UGT1A9: variants seen among roughly 807,000 people sequenced by gnomAD.
UGT1A9 encodes the protein UDP-glucuronosyltransferase 1A9.
UGT1A9 carries 35 observed loss-of-function variants against 45.0 expected under a neutral mutation model. The observed-to-expected ratio is 0.78, with a 90% CI of 0.59 to 1.03. The LOEUF (loss-of-function observed/expected upper bound fraction) is 1.03. UGT1A9 is among the 50% of genes least tolerant of loss of function. The probability of loss-of-function intolerance (pLI) is 0.00; values close to 1 mark genes in which losing one functional copy is unlikely to be tolerated. For synonymous variants in UGT1A9, 278 were observed against 250.6 expected, an observed-to-expected ratio of 1.11 and a Z score of -1.03; for missense variants, 687 against 666.6, an observed-to-expected ratio of 1.03 and a Z score of -0.34.
At chr2:233,706,628 T>C (rs1559354797) in intron 1 of UGT1A9, among the ~76,000 whole-genome samples, 1 of 152,116 alleles carries the variant, frequency 6.6e-6, no homozygotes, top group African/African-American at 2.4e-5. Context: ...GAAATGAGTG[T>C]TTCTACTGTG....
At chr2:233,706,317 T>G (rs947788693) in intron 1 of UGT1A9, among the ~76,000 whole-genome samples, 6 of 152,228 alleles carry the variant, frequency 3.9e-5, no homozygotes, top group African/African-American at 7.2e-5. Context: ...TAGTGCCTTT[T>G]GGAACTATTC....
At chr2:233,754,989 C>T (rs749655557) in intron 1 of UGT1A9, 7 of 1,296,678 alleles carry the variant, frequency 5.4e-6, no homozygotes, top group Admixed American at 1.9e-5. Context: ...GGCGGGGTCA[C>T]GGAAGCTGAA....
At chr2:233,709,425 C>T (rs1055346708) in intron 1 of UGT1A9, among the ~76,000 whole-genome samples, 1 of 152,240 alleles carries the variant, frequency 6.6e-6, no homozygotes, top group African/African-American at 2.4e-5. Context: ...AGAATGTCCT[C>T]CAGAAAGGAT....
At chr2:233,682,302 C>T (rs772862316) in intron 1 of UGT1A9, 2 of 1,614,078 alleles carry the variant, frequency 1.2e-6, no homozygotes, top group Non-Finnish European at 8.5e-7. Context: ...TTATTTTTTT[C>T]AAATTGCAGG....
intron 1 of UGT1A9, among the ~76,000 whole-genome samples, chr2:233,746,183 A>G (rs985573808): frequency 4.6e-5 from 7 of 151,896 alleles, no homozygotes; most frequent in Admixed American, 6.5e-5. Context: ...TGTAAGGAAT[A>G]TATGTATAGG....
chr2:233,754,633 C>G (rs1196115983), intron 1 of UGT1A9: 1 of 444,794 alleles, frequency 2.2e-6, no homozygotes, highest in Non-Finnish European at 4.5e-6. Context: ...TCCACCCTTT[C>G]TTGGCCATTC....
At chr2:233,682,548 A>C in intron 1 of UGT1A9, 1 of 1,613,924 alleles carries the variant, frequency 6.2e-7, no homozygotes, top group Non-Finnish European at 8.5e-7. Context: ...ATGACTTTCA[A>C]GGAGAGAGTA....
chr2:233,687,886 T>TG (rs1056933607), intron 1 of UGT1A9, among the ~76,000 whole-genome samples: 6 of 152,276 alleles, frequency 3.9e-5, no homozygotes, highest in African/African-American at 1.4e-4. Context: ...CCAGCCTGGG[T>TG]GATAGACTAA....
chr2:233,757,384 T>TA (rs1696511783), intron 1 of UGT1A9, among the ~76,000 whole-genome samples: 1 of 151,252 alleles, frequency 6.6e-6, no homozygotes. Context: ...ATTCAGCACT[T>TA]ACTTGCTGGC....
Position 233,766,889 on chromosome 2 carries a change from C to T in UGT1A9, c.856-145C>T, listed in dbSNP as rs35858210. ...GGAGAGGAAAATGCTGTAAAACTTA[C>T]ATATTAATAATTTTTTACTCTATCT... On this transcript the variant is annotated intron_variant, in intron 1 of 4. Coordinates refer to ENST00000354728, the MANE Select transcript of UGT1A9 (RefSeq NM_021027.3). 3,026 of 1,464,588 alleles carry T rather than the reference C, an allele frequency of 2.1e-3. 24 individuals are homozygous for T. The highest frequency in any genetic ancestry group is 0.013 in the Middle Eastern group (51 of 4,042). The allele number at this position is 1,464,588 out of a possible 1,614,324, so 90.7% of individuals were successfully genotyped here.
At chr2:233,742,882 C>A (rs1692122938) in intron 1 of UGT1A9, 1 of 164,914 alleles carries the variant, frequency 6.1e-6, no homozygotes, top group Non-Finnish European at 1.3e-5. Flanking sequence ...ACCTGGCTCA[C>A]ACTTTCCCAA....
At chr2:233,770,357 A>G (rs1700064442) in intron 4 of UGT1A9, 1 of 152,214 alleles carries the variant, frequency 6.6e-6, no homozygotes, top group Admixed American at 6.5e-5. Flanking sequence ...TATTGAATGA[A>G]TGAATGAAAG....
chr2:233,690,417 T>G, intron 1 of UGT1A9: 1 of 1,228,386 alleles, frequency 8.1e-7, no homozygotes, highest in Non-Finnish European at 1.1e-6. Context: ...TGAAATTACC[T>G]TCATGCACAT....
intron 1 of UGT1A9, among the ~76,000 whole-genome samples, chr2:233,727,349 G>GT (rs760245596): frequency 1.3e-5 from 2 of 152,230 alleles, no homozygotes; most frequent in Non-Finnish European, 2.9e-5. Context: ...CCATAGTTCT[G>GT]CTATCCTTAG....
chr2:233,768,681 C>T lies in UGT1A9; in HGVS notation c.1295+242C>T, dbSNP rs537750391. On this transcript the variant is annotated intron_variant, in intron 4 of 4. Coordinates refer to ENST00000354728, the MANE Select transcript of UGT1A9 (RefSeq NM_021027.3). Reference sequence around the variant, plus strand: ...GGCTTACTGCAACCTCCACCTCCCACGTTCAAGCAGTTCTGCCTCAGCCTC... The same window carrying T: ...GGCTTACTGCAACCTCCACCTCCCATGTTCAAGCAGTTCTGCCTCAGCCTC... 2.7e-5 allele frequency among the ~76,000 whole-genome samples: 4 copies of T among 148,006 alleles called. No individual in the cohort carries two copies. The East Asian group carries it at 6.1e-4, about 23-fold the overall frequency.
chr2:233,763,021 T>C (rs1698218577), intron 1 of UGT1A9, among the ~76,000 whole-genome samples: 1 of 152,256 alleles, frequency 6.6e-6, no homozygotes, highest in Non-Finnish European at 1.5e-5. Context: ...TTGCATTATG[T>C]TAGCCATTGT....
intron 1 of UGT1A9, among the ~76,000 whole-genome samples, chr2:233,720,431 G>A (rs28898613): frequency 0.011 from 1,733 of 152,136 alleles, 27 homozygotes; most frequent in African/African-American, 0.04. Context: ...AGATAAGACC[G>A]TGAATCTATA....
chr2:233,714,477 G>A (rs45505392), intron 1 of UGT1A9, among the ~76,000 whole-genome samples: 3,267 of 152,154 alleles, frequency 0.021, 113 homozygotes, highest in African/African-American at 0.075. Context: ...ATAGGAGAAT[G>A]TTTCTTGTGA....
At position 233,760,866 on chromosome 2, in the gene UGT1A9, G is replaced by A. The variant is rs1437871677; in HGVS notation, c.856-6168G>A. On this transcript the variant is annotated intron_variant, in intron 1 of 4. Transcript: ENST00000354728. ...AGTGCCCCAACCCATTCTCCTACGT[G>A]CCCAGGCCTCTCTCCTCTCATTCAG... is the stretch of plus-strand genomic sequence containing the variant. 3.7e-6 allele frequency: 6 copies of A among 1,613,948 alleles called. No homozygotes were observed. In the African/African-American group the frequency reaches 8.0e-5, roughly 22 times the overall value.
Sources: allele counts gnomAD v4.1 joint callset (sites outside exome capture counted in the v4.1 genomes callset), GRCh38; gene constraint gnomAD v4.1.1; transcripts MANE v1.5; gene names NCBI Gene and HGNC (gene_info 2026-07-23, HGNC 2026-07-21).